Variants in REPS2 observed in about 807,000 individuals in gnomAD.
The protein encoded by REPS2 is RALBP1 associated Eps domain containing 2.
A neutral mutation model predicts 53.6 loss-of-function variants in REPS2; 23 were observed. That is an observed-to-expected ratio of 0.43 (90% CI 0.31 to 0.61). REPS2 has a LOEUF of 0.61. Among genes scored for constraint, REPS2 ranks in the 20% least tolerant of loss-of-function variants. REPS2 has a pLI of 0.11. For synonymous variants in REPS2, 238 were observed against 218.6 expected, an observed-to-expected ratio of 1.09 and a Z score of -0.78; for missense variants, 446 against 534.9, an observed-to-expected ratio of 0.83 and a Z score of 1.64.
At chrX:17,118,363 C>A (rs972169735) in intron 14 of REPS2, among the ~76,000 whole-genome samples, 6 of 111,423 alleles carry the variant, frequency 5.4e-5, no homozygotes, top group Non-Finnish European at 1.1e-4. Context: ...CTTCTGCACC[C>A]TCTGCCTGAC....
intron 8 of REPS2, among the ~76,000 whole-genome samples, chrX:17,056,346 G>A (rs1476066044): frequency 1.8e-5 from 2 of 112,143 alleles, no homozygotes; most frequent in African/African-American, 3.2e-5. Context: ...GAGTGTCTCC[G>A]GGTGGCCCTG....
chrX:17,072,802 G>T (rs979880399), intron 11 of REPS2, among the ~76,000 whole-genome samples: 1 of 111,804 alleles, frequency 8.9e-6, no homozygotes, highest in African/African-American at 3.3e-5. Context: ...TCCTGAGGTC[G>T]CTTTCTTTGC....
intron 7 of REPS2, 100 bp from the exon 8 acceptor site, chrX:17,054,708 G>A: frequency 1.1e-6 from 1 of 902,429 alleles, no homozygotes; most frequent in Non-Finnish European, 1.6e-6. Flanking sequence ...ATCTGGTAGG[G>A]CCATCACCAC....
chrX:17,193,800 T>TG, the REPS2 span, among the ~76,000 whole-genome samples: 1 of 111,386 alleles, frequency 9.0e-6, no homozygotes, highest in East Asian at 2.8e-4. Context: ...TTTATCAAGA[T>TG]GGGGGAAACC....
chrX:17,137,223 T>C (rs1206384915), intron 16 of REPS2: 2 of 112,495 alleles, frequency 1.8e-5, no homozygotes, highest in Non-Finnish European at 3.8e-5. Context: ...ACACTTTTCA[T>C]AGTGGCTGCA....
Position 16,947,146 on chromosome X carries a change from C to A in REPS2, c.273+12C>A, listed in dbSNP as rs983753343. On this transcript the variant is annotated intron_variant, in intron 1 of 17. Transcript: ENST00000357277. Reference sequence around the variant, plus strand: ...AGACGCTGCACCAGGTGGGTCCCTCCGCCTCCTGTCCCTGCGGGTCTGTGG... The same window carrying A: ...AGACGCTGCACCAGGTGGGTCCCTCAGCCTCCTGTCCCTGCGGGTCTGTGG... The A allele has an allele frequency of 4.7e-6, 5 of 1,059,520 alleles. No individual in the cohort carries two copies. Among genetic ancestry groups the A allele is most frequent in the Non-Finnish European group, 6.1e-6 (5 of 824,280 alleles). The allele number at this position is 1,059,520 out of a possible 1,213,427, so 87.3% of individuals were successfully genotyped here. A position where few individuals can be genotyped will look rare whatever the true frequency, so the allele number is the denominator to read the frequency against.
Position 17,054,828 on chromosome X carries a change from G to C in REPS2, c.992G>C (p.Cys331Ser). Reference protein sequence around the residue: ...SYIWELSDADCDGALTLPEFC... With the variant: ...SYIWELSDADSDGALTLPEFC... ...TTTAGGGAGCTTAGTGATGCTGACT[G>C]TGATGGAGCCCTGACCCTGCCTGAG... Residue 331 changes from cysteine (C) to serine (S), a missense_variant, in exon 8 of 18, where the codon TGT becomes TCT. Physicochemically the swap from Cys to Ser is moderately radical, Grantham distance 112. Transcript: ENST00000357277. 8.3e-7 allele frequency: 1 copy of C among 1,211,218 alleles called. No homozygotes were observed. The highest frequency in any genetic ancestry group is 3.0e-5 in the East Asian group (1 of 33,828).
chrX:16,990,823 A>G (rs1045737472), intron 1 of REPS2, among the ~76,000 whole-genome samples: 6 of 111,013 alleles, frequency 5.4e-5, no homozygotes, highest in Non-Finnish European at 9.4e-5. Flanking sequence ...TTACCTCTGC[A>G]TATAAAACTA....
At chrX:17,060,171 G>A (rs1198023286) in intron 8 of REPS2, among the ~76,000 whole-genome samples, 4 of 109,919 alleles carry the variant, frequency 3.6e-5, no homozygotes, top group African/African-American at 1.0e-4. Flanking sequence ...GTGCGGTGGC[G>A]TGCACCTGTG....
chrX:16,947,778 G>A (rs973626485), intron 1 of REPS2, among the ~76,000 whole-genome samples: 1 of 111,919 alleles, frequency 8.9e-6, no homozygotes, highest in African/African-American at 3.3e-5. Flanking sequence ...TGAGATTAGA[G>A]GTGGACTTCA....
At chrX:17,100,345 C>T (rs2062771749) in intron 13 of REPS2, 1 of 491,114 alleles carries the variant, frequency 2.0e-6, no homozygotes, top group Admixed American at 3.1e-5. Flanking sequence ...TGATGCTGCT[C>T]AGAGCAGTGC....
intron 4 of REPS2, among the ~76,000 whole-genome samples, 185 bp downstream of exon 4, chrX:17,025,370 T>C (rs762566337): frequency 8.9e-6 from 1 of 112,693 alleles, no homozygotes; most frequent in South Asian, 3.6e-4. Context: ...TAAACATATT[T>C]GAGTAATGTT....
intron 6 of REPS2, among the ~76,000 whole-genome samples, chrX:17,048,391 T>G (rs1297447465): frequency 1.8e-5 from 2 of 112,493 alleles, no homozygotes; most frequent in African/African-American, 6.4e-5. Context: ...GAAACCCATA[T>G]TGCACGATTT....
chrX:17,144,454 C>A (rs1174784944), intron 17 of REPS2, among the ~76,000 whole-genome samples: 2 of 112,648 alleles, frequency 1.8e-5, no homozygotes, highest in African/African-American at 6.4e-5. Flanking sequence ...CAATTTGAGT[C>A]TTTCAGGAAT....
At chrX:16,977,301 A>T (rs1484480122) in intron 1 of REPS2, among the ~76,000 whole-genome samples, 1 of 111,159 alleles carries the variant, frequency 9.0e-6, no homozygotes, top group African/African-American at 3.3e-5. Flanking sequence ...CTGCCTGAGT[A>T]TTAAGGATGG....
chrX:17,121,338 A>G (rs1025999104), intron 14 of REPS2, among the ~76,000 whole-genome samples: 8 of 112,139 alleles, frequency 7.1e-5, no homozygotes, highest in African/African-American at 2.3e-4. Context: ...GGTGGGGGAA[A>G]GCCCCAATTT....
intron 5 of REPS2, among the ~76,000 whole-genome samples, chrX:17,045,960 T>G (rs868581094): frequency 1.8e-5 from 2 of 108,537 alleles, no homozygotes; most frequent in Non-Finnish European, 3.8e-5. Flanking sequence ...TGTGTGTGTG[T>G]GGGTGTGGGG....
intron 1 of REPS2, among the ~76,000 whole-genome samples, chrX:16,950,550 G>C (rs2060494180): frequency 8.9e-6 from 1 of 112,347 alleles, no homozygotes; most frequent in African/African-American, 3.2e-5. Flanking sequence ...TTCCTTTGCT[G>C]ACTTATTTTA....
At chrX:17,130,115 T>G (rs764969802) in intron 14 of REPS2, among the ~76,000 whole-genome samples, 28 of 112,222 alleles carry the variant, frequency 2.5e-4, no homozygotes, top group African/African-American at 7.1e-4. Flanking sequence ...AGGGGGTTAC[T>G]GGGCCCTCCT....
Sources: gnomAD v4.1 joint callset for allele counts (sites outside exome capture counted in the v4.1 genomes callset) on GRCh38, gnomAD v4.1.1 for gene constraint, MANE v1.5 for transcripts, NCBI Gene and HGNC (gene_info 2026-07-23, HGNC 2026-07-21) for gene names.